The following FRMPD4 variants were observed in gnomAD, a reference collection of about 807,000 sequenced individuals.
FRMPD4 encodes FERM and PDZ domain containing 4, also known as FERM and PDZ domain-containing protein 4.
In FRMPD4, 22 loss-of-function variants were observed where a neutral mutation model predicts 94.1. The observed-to-expected ratio is 0.23, with a 90% CI of 0.17 to 0.33. The LOEUF is 0.33. Ranked by LOEUF, FRMPD4 falls within the 10% of genes least tolerant of loss-of-function variation. The pLI is 1.00. For synonymous variants in FRMPD4, 631 were observed against 548.6 expected (o/e 1.15, Z -2.10); for missense variants, 1,111 against 1,339.9 (o/e 0.83, Z 2.67).
chrX:12,122,429 AAG>A (rs1378439829), intron 3 of FRMPD4, among the ~76,000 whole-genome samples: 3 of 111,485 alleles, frequency 2.7e-5, no homozygotes, highest in African/African-American at 3.3e-5. Context: ...TAGATGGGGA[AAG>A]AGAGAGTGGA....
intron 1 of FRMPD4, among the ~76,000 whole-genome samples, chrX:12,260,136 C>T (rs957930632): frequency 5.4e-5 from 6 of 110,828 alleles, no homozygotes; most frequent in African/African-American, 2.0e-4. Context: ...GCCTTTTTTC[C>T]TTCTTAGTCA....
Position 11,877,371 on chromosome X carries a change from T to A in FRMPD4, c.-29-524T>A, listed in dbSNP as rs1051735275. On this transcript the variant is annotated intron_variant, in intron 2 of 18. Transcript: ENST00000640291. ...GCTCAGAGCGCCAAATATCCCATCG[T>A]GAGTTCTCAGATGGGGAGGAGCAAA... Among the ~76,000 whole-genome samples the A allele has an allele frequency of 2.7e-5, 3 of 111,899 alleles. No individual in the cohort carries two copies. The East Asian group carries it at 8.4e-4, about 32-fold the overall frequency.
At chrX:12,190,683 G>A (rs749519131) in intron 1 of FRMPD4, among the ~76,000 whole-genome samples, 1 of 91,368 alleles carries the variant, frequency 1.1e-5, no homozygotes, top group African/African-American at 4.0e-5. Flanking sequence ...CAACTAACGG[G>A]ACATCCACAT....
At chrX:12,246,714 A>G (rs1272142886) in intron 1 of FRMPD4, among the ~76,000 whole-genome samples, 1 of 110,565 alleles carries the variant, frequency 9.0e-6, no homozygotes, top group Non-Finnish European at 1.9e-5. Flanking sequence ...AAAAGGAGAT[A>G]CATATTGCAT....
chrX:12,156,959 T>C (rs1159746872), intron 1 of FRMPD4, among the ~76,000 whole-genome samples: 1 of 112,178 alleles, frequency 8.9e-6, no homozygotes, highest in Non-Finnish European at 1.9e-5. Flanking sequence ...GTATGAGATA[T>C]ATACTGAATA....
intron 1 of FRMPD4, among the ~76,000 whole-genome samples, chrX:12,227,012 C>T (rs977939849): frequency 2.7e-5 from 3 of 111,913 alleles, no homozygotes; most frequent in Non-Finnish European, 5.6e-5. Context: ...CCCAACATAA[C>T]ATTTGAAAAC....
intron 1 of FRMPD4, among the ~76,000 whole-genome samples, chrX:12,340,005 C>T (rs1334741273): frequency 1.8e-5 from 2 of 112,218 alleles, no homozygotes; most frequent in East Asian, 5.6e-4. Context: ...AGAGTTGATT[C>T]GAACCTCTCC....
In FRMPD4 at chrX:12,499,164, A is replaced by T. The variant is rs112827550; in HGVS notation, c.158+368A>T. ...CCGAAGTTGGACATGCAAGAATCTC[A>T]TTTACAAGGTTTTCTAGGAGTGGTC... On this transcript the variant is annotated intron_variant, in intron 2 of 16. Transcript: ENST00000675598. 1.5e-3 allele frequency among the ~76,000 whole-genome samples: 164 copies of T among 111,377 alleles called. 1 individual carries two copies. The highest frequency in any genetic ancestry group is 4.6e-3 in the Middle Eastern group (1 of 216).
chrX:12,606,870 C>G (rs1043021803), intron 2 of FRMPD4, among the ~76,000 whole-genome samples: 6 of 111,543 alleles, frequency 5.4e-5, no homozygotes, highest in African/African-American at 2.0e-4. Context: ...ATGGCTTGCT[C>G]TGAAATGGTG....
intron 2 of FRMPD4, among the ~76,000 whole-genome samples, chrX:12,559,745 CAATA>C (rs2058633745): frequency 9.1e-6 from 1 of 109,729 alleles, no homozygotes; most frequent in African/African-American, 3.3e-5. Flanking sequence ...TTTAATAAAA[CAATA>C]AAATAAAAAT....
chrX:12,644,277 G>A (rs1381037378), intron 4 of FRMPD4, among the ~76,000 whole-genome samples: 1 of 111,055 alleles, frequency 9.0e-6, no homozygotes, highest in African/African-American at 3.3e-5. Context: ...TCACTGTATT[G>A]CCCAGGCTAG....
chrX:12,017,790 C>A (rs1267501399), intron 3 of FRMPD4, among the ~76,000 whole-genome samples: 1 of 111,726 alleles, frequency 9.0e-6, no homozygotes, highest in Non-Finnish European at 1.9e-5. Context: ...TAGCAGTATA[C>A]ATTCACAGCA....
intron 1 of FRMPD4, among the ~76,000 whole-genome samples, chrX:12,248,663 A>G (rs892062993): frequency 8.9e-6 from 1 of 112,804 alleles, no homozygotes; most frequent in Non-Finnish European, 1.9e-5. Context: ...CAAATTATCC[A>G]TAATTCTAAT....
At chrX:12,358,134 C>G (rs1275534923) in intron 1 of FRMPD4, among the ~76,000 whole-genome samples, 1 of 112,228 alleles carries the variant, frequency 8.9e-6, no homozygotes, top group East Asian at 2.8e-4. Context: ...GATCAGTTCT[C>G]CAGTTTATGA....
At chrX:11,873,105 C>T (rs1359542994) in intron 2 of FRMPD4, among the ~76,000 whole-genome samples, 1 of 111,873 alleles carries the variant, frequency 8.9e-6, no homozygotes, top group Non-Finnish European at 1.9e-5. Flanking sequence ...TTGAAGACTA[C>T]ACTTTTCAAA....
intron 1 of FRMPD4, among the ~76,000 whole-genome samples, chrX:12,452,943 G>A (rs925714353): frequency 3.6e-5 from 4 of 112,018 alleles, no homozygotes; most frequent in Admixed American, 9.5e-5. Context: ...CTTCCAGCCC[G>A]GCATGGATAT....
intron 4 of FRMPD4, among the ~76,000 whole-genome samples, chrX:12,630,786 C>T (rs2059388634): frequency 9.0e-6 from 1 of 111,652 alleles, no homozygotes; most frequent in African/African-American, 3.3e-5. Context: ...CTTTCTTTGT[C>T]ACAATTCTGT....
intron 1 of FRMPD4, among the ~76,000 whole-genome samples, chrX:12,288,607 TATC>T (rs2054636822): frequency 8.9e-6 from 1 of 111,758 alleles, no homozygotes; most frequent in Non-Finnish European, 1.9e-5. Flanking sequence ...AAATTCATCT[TATC>T]ATTTCAATTG....
intron 1 of FRMPD4, among the ~76,000 whole-genome samples, chrX:12,421,383 G>A (rs2056881170): frequency 1.2e-5 from 1 of 84,613 alleles, no homozygotes; most frequent in South Asian, 7.6e-4. Context: ...ATATTGGTAG[G>A]TTAGGCTTCC....
Sources: gnomAD v4.1 joint callset for allele counts (sites outside exome capture counted in the v4.1 genomes callset) on GRCh38, gnomAD v4.1.1 for gene constraint, MANE v1.5 for transcripts, NCBI Gene and HGNC (gene_info 2026-07-23, HGNC 2026-07-21) for gene names.